Variants in MOB2 observed in about 807,000 individuals in gnomAD.
MOB2 encodes the protein MOB2 Mps One Binder homolog.
Under a neutral mutation model 27.4 loss-of-function variants are expected in MOB2, and 14 were observed. The observed-to-expected ratio is 0.51, with a 90% CI of 0.34 to 0.80. The LOEUF (loss-of-function observed/expected upper bound fraction) is 0.80, where lower values mean the gene tolerates loss of function less well. Ranked by LOEUF, MOB2 falls within the 30% of genes least tolerant of loss-of-function variation. The probability of loss-of-function intolerance (pLI) is 0.01; values close to 1 mark genes in which losing one functional copy is unlikely to be tolerated. For missense variants in MOB2, 304 were observed against 354.6 expected, an observed-to-expected ratio of 0.86 and a Z score of 1.15; for synonymous variants, 167 against 151.8, an observed-to-expected ratio of 1.10 and a Z score of -0.74.
intron 1 of MOB2, among the ~76,000 whole-genome samples, chr11:1,485,963 C>A (rs1847965421): frequency 6.6e-6 from 1 of 152,198 alleles, no homozygotes; most frequent in African/African-American, 2.4e-5. Context: ...GACAAGGCCA[C>A]ACAAGGACAG....
At position 1,470,306 on chromosome 11, in the gene MOB2, G is replaced by A; in HGVS notation, c.673C>T (p.Pro225Ser). Residue 225 changes from proline to serine, a missense_variant, in exon 5 of 5, where the codon CCC becomes TCC. Transcript: ENST00000329957. Reference sequence around the variant, plus strand: ...TCGTCCATGATGGCGGTCTCTTTGGGGTCCAGCAGGTTGAACTCCCGAGCA... The same window carrying A: ...TCGTCCATGATGGCGGTCTCTTTGGAGTCCAGCAGGTTGAACTCCCGAGCA... ...LFAREFNLLDPKETAIMDDLT... is the reference protein window; with the variant it reads ...LFAREFNLLDSKETAIMDDLT... 1 of 1,613,384 alleles carries A rather than the reference G, an allele frequency of 6.2e-7. No individual in the cohort carries two copies. The highest frequency in any genetic ancestry group is 8.5e-7 in the Non-Finnish European group (1 of 1,179,900).
At chr11:1,472,138 C>G (rs890784250) in intron 3 of MOB2, 7 of 151,508 alleles carry the variant, frequency 4.6e-5, no homozygotes, top group African/African-American at 1.7e-4. Flanking sequence ...TATAAGGTGA[C>G]CCCCAGCCCC....
chr11:1,486,413 A>G, intron 1 of MOB2, 34 bp downstream of exon 1: 1 of 1,473,488 alleles, frequency 6.8e-7, no homozygotes, highest in South Asian at 1.2e-5. Flanking sequence ...GATGTGCTAC[A>G]CACCCCTCCC....
intron 3 of MOB2, chr11:1,472,341 G>A (rs989606095): frequency 1.2e-4 from 19 of 152,248 alleles, no homozygotes; most frequent in African/African-American, 3.6e-4. Context: ...GGAGAGTGCT[G>A]TGGTGGGAGT....
intron 4 of MOB2, among the ~76,000 whole-genome samples, chr11:1,470,783 G>C (rs1474402098): frequency 6.7e-6 from 1 of 149,900 alleles, no homozygotes; most frequent in Non-Finnish European, 1.5e-5. Flanking sequence ...CCTCAGGAAG[G>C]GGCCTGTGAT....
chr11:1,473,808 C>G (rs1414123895), intron 3 of MOB2, among the ~76,000 whole-genome samples: 1 of 152,254 alleles, frequency 6.6e-6, no homozygotes, highest in Admixed American at 6.5e-5. Context: ...AATCAGGACA[C>G]GCGGCGGCTT....
intron 3 of MOB2, chr11:1,472,051 T>C (rs934951675): frequency 6.6e-6 from 1 of 152,274 alleles, no homozygotes; most frequent in Admixed American, 6.5e-5. Flanking sequence ...TGGAGCATCC[T>C]AGGGACATGG....
rs1457915471 is a variant in MOB2, at chr11:1,469,632, G to A, written c.*540C>T. 1.3e-5 allele frequency: 6 copies of A among 456,882 alleles called. No homozygotes were observed. The Admixed American group carries it at 1.4e-4, about 11-fold the overall frequency. 28.3% of individuals were successfully genotyped at this position (456,882 alleles called of 1,614,324 possible). A position where few individuals can be genotyped will look rare whatever the true frequency, so the allele number is the denominator to read the frequency against. On this transcript the variant is annotated 3_prime_UTR_variant, in exon 5 of 5. Coordinates refer to ENST00000329957, the MANE Select transcript of MOB2 (RefSeq NM_001172223.3). ...AGGAGGCAGCAGGAAGGGGTGACAG[G>A]AGCAGGAGCAGGTGCAGGGCACCTC...
At position 1,470,349 on chromosome 11, in the gene MOB2, G is replaced by T; in HGVS notation, c.630C>A (p.Tyr210Ter). Residue 210 changes from tyrosine (Y) to a stop codon, truncating the protein, a stop_gained, in exon 5 of 5, where the codon TAC becomes TAA. Coordinates refer to ENST00000329957, the MANE Select transcript of MOB2 (RefSeq NM_001172223.3). LOFTEE classifies it high-confidence loss of function. ...CCCGAGCAAAGAGGATGAAGTGGACGTAGAGCGTGTTCAAGTGTCCGTGCA... is the reference window on the plus strand; with the variant it reads ...CCCGAGCAAAGAGGATGAAGTGGACTTAGAGCGTGTTCAAGTGTCCGTGCA... ...LELHGHLNTLYVHFILFAREF... is the reference protein window; with the variant it reads ...LELHGHLNTL 6.2e-7 allele frequency: 1 copy of T among 1,613,652 alleles called. No homozygotes were observed. Among genetic ancestry groups the T allele is most frequent in the Non-Finnish European group, 8.5e-7 (1 of 1,179,908 alleles).
chr11:1,482,148 G>A (rs914207865), intron 1 of MOB2, among the ~76,000 whole-genome samples: 4 of 152,322 alleles, frequency 2.6e-5, no homozygotes, highest in African/African-American at 9.6e-5. Flanking sequence ...GCCTGGGCTC[G>A]GCCTTCCCAT....
intron 3 of MOB2, 97 bp downstream of exon 3, chr11:1,480,296 G>A (rs1296023561): frequency 1.8e-5 from 21 of 1,137,154 alleles, no homozygotes; most frequent in Non-Finnish European, 2.7e-5. Flanking sequence ...CTCCAGGTGA[G>A]AACGGAATCT....
Position 1,481,032 on chromosome 11 carries a change from A to G in MOB2, c.111-147T>C, listed in dbSNP as rs1272032857. 7.3e-6 allele frequency: 7 copies of G among 954,386 alleles called. No individual in the cohort carries two copies. In the Admixed American group the frequency reaches 9.7e-5, roughly 13 times the overall value. The allele number at this position is 954,386 out of a possible 1,614,324, so 59.1% of individuals were successfully genotyped here. A position where few individuals can be genotyped will look rare whatever the true frequency, so the allele number is the denominator to read the frequency against. On this transcript the variant is annotated intron_variant, in intron 1 of 4. Transcript: ENST00000329957. ...TGCCTCCCTGCCAGGCTCAAAGGAC[A>G]CCAACGGGACACCAACGGTGAGGCT...
chr11:1,474,221 ACTGT>A (rs1309955317), intron 3 of MOB2, among the ~76,000 whole-genome samples: 1 of 152,168 alleles, frequency 6.6e-6, no homozygotes, highest in Admixed American at 6.5e-5. Flanking sequence ...TCTTTGGCAA[ACTGT>A]CTGCTCATTT....
Sources: allele counts gnomAD v4.1 joint callset (sites outside exome capture counted in the v4.1 genomes callset), GRCh38; gene constraint gnomAD v4.1.1; transcripts MANE v1.5; gene names NCBI Gene and HGNC (gene_info 2026-07-23, HGNC 2026-07-21).